Variants in RTBDN observed in about 807,000 individuals in gnomAD.
RTBDN encodes retbindin.
RTBDN carries 24 observed loss-of-function variants against 21.9 expected under a neutral mutation model. The ratio of observed to expected loss-of-function variants is 1.10; its 90% CI spans 0.79 to 1.54. The LOEUF is 1.54. Among genes scored for constraint, RTBDN ranks in the 40% most tolerant of loss-of-function variants. RTBDN has a pLI of 0.00. For missense variants in RTBDN, 325 were observed against 315.2 expected, an observed-to-expected ratio of 1.03 and a Z score of -0.23; for synonymous variants, 141 against 125.9, an observed-to-expected ratio of 1.12 and a Z score of -0.80.
At position 12,830,296 on chromosome 19, in the gene RTBDN, A is replaced by G; in HGVS notation, c.-18-299T>C. The G allele has an allele frequency of 8.8e-7, 1 of 1,131,328 alleles. No individual in the cohort carries two copies. Among genetic ancestry groups the G allele is most frequent in the Non-Finnish European group, 1.1e-6 (1 of 921,922 alleles). The allele number at this position is 1,131,328 out of a possible 1,614,324, so 70.1% of individuals were successfully genotyped here. A position where few individuals can be genotyped will look rare whatever the true frequency, so the allele number is the denominator to read the frequency against. On this transcript the variant is annotated intron_variant, in intron 1 of 5. Transcript: ENST00000674343. This position sits in a 1 kb window ranked among gnomAD's most constrained non-coding sequence, Gnocchi z 4.2. ...GGATCTCCCACCTTTTTAGTCTTCAAGAGACCCCTTCTTTTCTCAGAATGA... is the reference window on the plus strand; with the variant it reads ...GGATCTCCCACCTTTTTAGTCTTCAGGAGACCCCTTCTTTTCTCAGAATGA...
Position 12,825,800 on chromosome 19 carries a change from C to A in RTBDN, c.596G>T (p.Arg199Leu), listed in dbSNP as rs1252524530. 1 of 1,611,838 alleles carries A rather than the reference C, an allele frequency of 6.2e-7. No individual in the cohort carries two copies. Among genetic ancestry groups the A allele is most frequent in the Non-Finnish European group, 8.5e-7 (1 of 1,178,828 alleles). The change falls in exon 6 of 6, where the codon CGG becomes CTG. Residue 199 changes from arginine to leucine, a missense_variant. Coordinates refer to ENST00000674343, the MANE Select transcript of RTBDN (RefSeq NM_001270441.2). Reference sequence around the variant, plus strand: ...GCGGGAACGCCGGGAGGGAGCTTCCCGGCCCCGTCGTCCTGGTCTGGGACG... The same window carrying A: ...GCGGGAACGCCGGGAGGGAGCTTCCAGGCCCCGTCGTCCTGGTCTGGGACG... The part of the protein sequence containing the change: ...VPRPRPGRRG[R>L]EAPSRRSRSP...
chr19:12,833,569 T>C (rs956923885), intron 1 of RTBDN, among the ~76,000 whole-genome samples: 3 of 152,146 alleles, frequency 2.0e-5, no homozygotes, highest in Admixed American at 6.5e-5. Flanking sequence ...GGGATGAATG[T>C]AGAGGGAATG....
intron 2 of RTBDN, 27 bp from the exon 3 acceptor site, chr19:12,828,980 G>A (rs185800957): frequency 6.2e-7 from 1 of 1,613,818 alleles, no homozygotes; most frequent in Admixed American, 1.7e-5. Flanking sequence ...CTGTGAGCTA[G>A]GGTCTTGGAT....
At position 12,830,113 on chromosome 19, in the gene RTBDN, G is replaced by T; in HGVS notation, c.-18-116C>A. On this transcript the variant is annotated intron_variant, in intron 1 of 5. Coordinates refer to ENST00000674343, the MANE Select transcript of RTBDN (RefSeq NM_001270441.2). This position sits in a 1 kb window ranked among gnomAD's most constrained non-coding sequence, Gnocchi z 4.2. The stretch of plus-strand genomic sequence containing the variant: ...GAGTAGGGAAAGTGCAGCTGAGGAG[G>T]AGGCTGGGGCAGTGGCCAAGGACGT... The T allele has an allele frequency of 7.4e-7, 1 of 1,353,222 alleles. No individual in the cohort carries two copies. Among genetic ancestry groups the T allele is most frequent in the Non-Finnish European group, 1.0e-6 (1 of 1,003,884 alleles). 83.8% of individuals were successfully genotyped at this position (1,353,222 alleles called of 1,614,324 possible).
In RTBDN at chr19:12,828,950, G is replaced by A. The variant is rs375165674; in HGVS notation, c.173C>T (p.Pro58Leu). The A allele has an allele frequency of 7.4e-6, 12 of 1,614,148 alleles. No homozygotes were observed. The South Asian group carries it at 7.7e-5, about 10-fold the overall frequency. The change falls in exon 3 of 6, where the codon CCT becomes CTT. Residue 58 changes from proline to leucine, a missense_variant. Pro to Leu is a moderately conservative substitution (Grantham distance 98). Transcript: ENST00000674343. The stretch of plus-strand genomic sequence containing the variant: ...TGTGTCCATCTCTGAGGGACAACAA[G>A]GTCCTGGCAAAGGGGAACCCTGTGA... ...LGKGKLHLAG[P>L]CCPSEMDTTE...
intron 1 of RTBDN, among the ~76,000 whole-genome samples, chr19:12,831,937 A>G (rs976943682): frequency 2.6e-5 from 4 of 151,954 alleles, no homozygotes; most frequent in African/African-American, 9.7e-5. Flanking sequence ...CCATTGGTTA[A>G]GTGTTTATAT....
Position 12,830,497 on chromosome 19 carries a change from G to A in RTBDN, c.-18-500C>T. ...GAGCTGGACCTTTGGGACCAAGGCT[G>A]GTGTGGCAGGGCTCAGGTTCTGTCA... On this transcript the variant is annotated intron_variant, in intron 1 of 5. Transcript: ENST00000674343. This position sits in a 1 kb window ranked among gnomAD's most constrained non-coding sequence, Gnocchi z 4.2. 1 of 985,496 alleles carries A rather than the reference G, an allele frequency of 1.0e-6. No individual in the cohort carries two copies. Among genetic ancestry groups the A allele is most frequent in the Non-Finnish European group, 1.2e-6 (1 of 829,804 alleles). The allele number at this position is 985,496 out of a possible 1,614,324, so 61.0% of individuals were successfully genotyped here. A position where few individuals can be genotyped will look rare whatever the true frequency, so the allele number is the denominator to read the frequency against.
Position 12,834,404 on chromosome 19 carries a change from T to C in RTBDN, c.-19+85A>G. 9.1e-7 allele frequency: 1 copy of C among 1,093,386 alleles called. No homozygotes were observed. The highest frequency in any genetic ancestry group is 1.3e-6 in the Non-Finnish European group (1 of 750,962). 67.7% of individuals were successfully genotyped at this position (1,093,386 alleles called of 1,614,324 possible). A position where few individuals can be genotyped will look rare whatever the true frequency, so the allele number is the denominator to read the frequency against. On this transcript the variant is annotated intron_variant, in intron 1 of 5. Coordinates refer to ENST00000674343, the MANE Select transcript of RTBDN (RefSeq NM_001270441.2). The surrounding 1 kb of genome is among the most constrained non-coding windows in gnomAD (Gnocchi z 4.7). ...GGGGCCATCGGCGCCGCTGGAGGCG[T>C]AAACATGTTTGTGCGGCAACCTCGC...
intron 1 of RTBDN, among the ~76,000 whole-genome samples, chr19:12,831,156 A>C (rs1291705907): frequency 6.6e-6 from 1 of 151,916 alleles, no homozygotes; most frequent in Non-Finnish European, 1.5e-5. Flanking sequence ...GAAATGTAGC[A>C]TTGGGTTAGT....
Position 12,830,937 on chromosome 19 carries a change from G to T in RTBDN, c.-18-940C>A, listed in dbSNP as rs1300464025. ...CCAGGCACCTGTGTCTTTTGTTTGT[G>T]TGGCTGTGTGTGTGTTGAGCATGTA... On this transcript the variant is annotated intron_variant, in intron 1 of 5. Coordinates refer to ENST00000674343, the MANE Select transcript of RTBDN (RefSeq NM_001270441.2). This position sits in a 1 kb window ranked among gnomAD's most constrained non-coding sequence, Gnocchi z 4.2. 1.3e-5 allele frequency among the ~76,000 whole-genome samples: 2 copies of T among 151,144 alleles called. No homozygotes were observed. Among genetic ancestry groups the T allele is most frequent in the Admixed American group, 6.6e-5 (1 of 15,090 alleles).
In RTBDN at chr19:12,830,256, T is replaced by C. The variant is rs1969516488; in HGVS notation, c.-18-259A>G. The C allele has an allele frequency of 1.6e-6, 2 of 1,220,110 alleles. No individual in the cohort carries two copies. Among genetic ancestry groups the C allele is most frequent in the East Asian group, 7.0e-5 (2 of 28,732 alleles). 75.6% of individuals were successfully genotyped at this position (1,220,110 alleles called of 1,614,324 possible). On this transcript the variant is annotated intron_variant, in intron 1 of 5. Transcript: ENST00000674343. The surrounding 1 kb of genome is among the most constrained non-coding windows in gnomAD (Gnocchi z 4.2). ...AACCAAGCTTAGACCACAGTGGCCC[T>C]CCTCCCATCCAGCAGGATCTCCCAC...
chr19:12,825,790 G>A lies in RTBDN; in HGVS notation c.606C>T (p.Pro202=), dbSNP rs1263292697. 6.2e-6 allele frequency: 10 copies of A among 1,611,042 alleles called. No homozygotes were observed. In the African/African-American group the frequency reaches 1.2e-4, roughly 19 times the overall value. Residue 202 remains proline, a synonymous_variant, in exon 6 of 6, where the codon CCC becomes CCT. Transcript: ENST00000674343. ...TGCGAGGGCTGCGGGAACGCCGGGA[G>A]GGAGCTTCCCGGCCCCGTCGTCCTG... is the stretch of plus-strand genomic sequence containing the variant. The part of the protein sequence containing the change: ...PRPGRRGREA[P]SRRSRSPRTS...
At position 12,830,351 on chromosome 19, in the gene RTBDN, C is replaced by T. The variant is rs1374954884; in HGVS notation, c.-18-354G>A. 2.0e-6 allele frequency: 2 copies of T among 1,019,090 alleles called. No homozygotes were observed. The highest frequency in any genetic ancestry group is 1.2e-6 in the Non-Finnish European group (1 of 851,904). 63.1% of individuals were successfully genotyped at this position (1,019,090 alleles called of 1,614,324 possible). On this transcript the variant is annotated intron_variant, in intron 1 of 5. Transcript: ENST00000674343. The surrounding 1 kb of genome is among the most constrained non-coding windows in gnomAD (Gnocchi z 4.2). Reference sequence around the variant, plus strand: ...GACCTCCCTAGGTCTTCCAATCCCCCTCTCCTGTTCAGTAATTCCTCCCTC... The same window carrying T: ...GACCTCCCTAGGTCTTCCAATCCCCTTCTCCTGTTCAGTAATTCCTCCCTC...
Position 12,830,627 on chromosome 19 carries a change from G to C in RTBDN, c.-18-630C>G, listed in dbSNP as rs963885472. 134 of 985,440 alleles carry C rather than the reference G, an allele frequency of 1.4e-4. No homozygotes were observed. Among genetic ancestry groups the C allele is most frequent in the Middle Eastern group, 5.2e-4 (1 of 1,936 alleles). The allele number at this position is 985,440 out of a possible 1,614,324, so 61.0% of individuals were successfully genotyped here. A position where few individuals can be genotyped will look rare whatever the true frequency, so the allele number is the denominator to read the frequency against. ...AGCCCCTCACCTGTTGGCTGGATTG[G>C]GGTCTAGAGGCCGCTAAGACACCTC... On this transcript the variant is annotated intron_variant, in intron 1 of 5. Coordinates refer to ENST00000674343, the MANE Select transcript of RTBDN (RefSeq NM_001270441.2). The surrounding 1 kb of genome is among the most constrained non-coding windows in gnomAD (Gnocchi z 4.2).
At chr19:12,834,855 T>G, upstream of RTBDN, 1 of 1,613,916 alleles carries the variant, frequency 6.2e-7, no homozygotes, top group Non-Finnish European at 8.5e-7. This position sits in a 1 kb window ranked among gnomAD's most constrained non-coding sequence, Gnocchi z 4.7. Context: ...TTCTGAGGGG[T>G]TAGTACGGAA....
At chr19:12,835,325 C>G, upstream of RTBDN, 1 of 557,536 alleles carries the variant, frequency 1.8e-6, no homozygotes, top group Non-Finnish European at 3.2e-6. Flanking sequence ...CTCCGCCTCT[C>G]GGGGGTGGGT....
Position 12,830,224 on chromosome 19 carries a change from C to A in RTBDN, c.-18-227G>T. ...CCATGTCCTCTATGTCCCTTCAGTG[C>A]CACCCCAACCAAGCTTAGACCACAG... On this transcript the variant is annotated intron_variant, in intron 1 of 5. Transcript: ENST00000674343. This position sits in a 1 kb window ranked among gnomAD's most constrained non-coding sequence, Gnocchi z 4.2. The A allele has an allele frequency of 7.7e-7, 1 of 1,296,420 alleles. No individual in the cohort carries two copies. Among genetic ancestry groups the A allele is most frequent in the Non-Finnish European group, 9.8e-7 (1 of 1,017,388 alleles). The allele number at this position is 1,296,420 out of a possible 1,614,324, so 80.3% of individuals were successfully genotyped here.
Position 12,830,415 on chromosome 19 carries a change from G to A in RTBDN, c.-18-418C>T. 1.0e-6 allele frequency: 1 copy of A among 989,444 alleles called. No individual in the cohort carries two copies. The highest frequency in any genetic ancestry group is 1.2e-6 in the Non-Finnish European group (1 of 832,692). 61.3% of individuals were successfully genotyped at this position (989,444 alleles called of 1,614,324 possible). ...CTCCCTCCTCCCTCTCTCGCTCCCT[G>A]CCGGCCCTTCTCTGGGTCACCTTCT... On this transcript the variant is annotated intron_variant, in intron 1 of 5. Transcript: ENST00000674343. This position sits in a 1 kb window ranked among gnomAD's most constrained non-coding sequence, Gnocchi z 4.2.
rs1197355116 is a variant in RTBDN at position 12,825,781 on chromosome 19, A to G, written c.615T>C (p.Arg205=). Residue 205 remains arginine, a synonymous_variant, in exon 6 of 6, where the codon CGT becomes CGC. Transcript: ENST00000674343. ...GRRGREAPSR[R]SRSPRTSILD... ...GGATGGAGGTGCGAGGGCTGCGGGA[A>G]CGCCGGGAGGGAGCTTCCCGGCCCC... 2.5e-6 allele frequency: 4 copies of G among 1,610,622 alleles called. No homozygotes were observed. In the East Asian group the frequency reaches 8.9e-5, roughly 36 times the overall value.
Sources: allele counts gnomAD v4.1 joint callset (sites outside exome capture counted in the v4.1 genomes callset), GRCh38; gene constraint gnomAD v4.1.1; non-coding constraint Gnocchi (gnomAD v3.1); transcripts MANE v1.5; gene names NCBI Gene and HGNC (gene_info 2026-07-23, HGNC 2026-07-21).